WDFY4: variants seen among roughly 807,000 people sequenced by gnomAD.
WDFY4 encodes the protein WD repeat- and FYVE domain-containing protein 4.
A neutral mutation model predicts 351.9 loss-of-function variants in WDFY4; 169 were observed. That is an observed-to-expected ratio of 0.48 (90% confidence interval 0.42 to 0.55). WDFY4 has a LOEUF of 0.55. Ranked by LOEUF, WDFY4 falls within the 20% of genes least tolerant of loss-of-function variation. The pLI, the probability that WDFY4 is intolerant of heterozygous loss-of-function variation, is 0.00. For synonymous variants in WDFY4, 1,622 were observed against 1,574.6 expected, an observed-to-expected ratio of 1.03 and a Z score of -0.71; for missense variants, 3,803 against 3,935.6, an observed-to-expected ratio of 0.97 and a Z score of 0.90.
At chr10:48,904,039 T>C (rs1360321754) in intron 47 of WDFY4, among the ~76,000 whole-genome samples, 1 of 152,180 alleles carries the variant, frequency 6.6e-6, no homozygotes, top group Non-Finnish European at 1.5e-5. Context: ...AGTGGTCAAG[T>C]GTTGTTGGTA....
intron 53 of WDFY4, among the ~76,000 whole-genome samples, chr10:48,960,404 A>G (rs1841803696): frequency 6.6e-6 from 1 of 152,260 alleles, no homozygotes. Flanking sequence ...TAAATTTAAA[A>G]GACCAGTGAA....
chr10:48,982,585 G>A lies in WDFY4; in HGVS notation c.*10G>A, dbSNP rs1842855632. 4.5e-6 allele frequency: 7 copies of A among 1,549,080 alleles called. No individual in the cohort carries two copies. The African/African-American group carries it at 6.8e-5, about 15-fold the overall frequency. On this transcript the variant is annotated 3_prime_UTR_variant, in exon 62 of 62. Coordinates refer to ENST00000325239, the MANE Select transcript of WDFY4 (RefSeq NM_001394531.1). ...GTCTGCAGATGGGTAGGAAGAGAGAGGCAGCAGAGGCTCTGGCACAACAGT... is the reference window on the plus strand; with the variant it reads ...GTCTGCAGATGGGTAGGAAGAGAGAAGCAGCAGAGGCTCTGGCACAACAGT...
chr10:48,914,064 C>G (rs17772611), intron 47 of WDFY4: 9 of 1,613,954 alleles, frequency 5.6e-6, no homozygotes, highest in Non-Finnish European at 7.6e-6. Context: ...CAAGTCAAGG[C>G]GCTTTTTCCC....
intron 20 of WDFY4, among the ~76,000 whole-genome samples, chr10:48,787,880 TTCTTCTTCTTC>T (rs1241541340): frequency 1.1e-4 from 10 of 91,450 alleles, no homozygotes; most frequent in Non-Finnish European, 1.7e-4. Context: ...TCTTCTTTCT[TTCTTCTTCTTC>T]TCCTTCTTCT....
At chr10:48,734,203 C>T (rs577327333) in intron 10 of WDFY4, among the ~76,000 whole-genome samples, 168 bp downstream of exon 10, 1 of 152,186 alleles carries the variant, frequency 6.6e-6, no homozygotes, top group Non-Finnish European at 1.5e-5. Context: ...TCAGTAAATT[C>T]GTAGATACTA....
intron 2 of WDFY4, among the ~76,000 whole-genome samples, chr10:48,716,595 G>A (rs1378898347): frequency 6.6e-6 from 1 of 152,172 alleles, no homozygotes; most frequent in Non-Finnish European, 1.5e-5. Context: ...TGGCCTGAAA[G>A]AGTTAACGCA....
Position 48,754,777 on chromosome 10 carries a change from T to G in WDFY4, c.2460-5570T>G, listed in dbSNP as rs2065284439. Among the ~76,000 whole-genome samples the G allele has an allele frequency of 2.0e-5, 3 of 152,262 alleles. No individual in the cohort carries two copies. In the South Asian group the frequency reaches 6.2e-4, roughly 32 times the overall value. ...TCAATAAGTATTTGCTCAGTTGATT[T>G]GAATAAATTACGCCCAAGCACAAGA... On this transcript the variant is annotated intron_variant, in intron 12 of 61. Coordinates refer to ENST00000325239, the MANE Select transcript of WDFY4 (RefSeq NM_001394531.1).
At chr10:48,880,050 G>A (rs2070184004) in intron 43 of WDFY4, among the ~76,000 whole-genome samples, 1 of 152,204 alleles carries the variant, frequency 6.6e-6, no homozygotes, top group South Asian at 2.1e-4. Context: ...TGTTGGATGG[G>A]ACAGCCTCCT....
At chr10:48,939,703 T>G (rs1371688548) in intron 47 of WDFY4, among the ~76,000 whole-genome samples, 2 of 152,228 alleles carry the variant, frequency 1.3e-5, no homozygotes, top group African/African-American at 4.8e-5. Flanking sequence ...CACCTTCAGA[T>G]TAATATGATT....
Position 48,727,528 on chromosome 10 carries a change from T to G in WDFY4, c.840T>G (p.Pro280=). ...TCTCCAGGCTCACGGACACTCTCCC[T>G]GCCCCTGAAGTGAGCGAGGCTGTAA... is the stretch of plus-strand genomic sequence containing the variant. ...QNLSRLTDTL[P]APEVSEAVSL... The change falls in exon 7 of 62, where the codon CCT becomes CCG. Residue 280 remains proline (P), a synonymous_variant. Coordinates refer to ENST00000325239, the MANE Select transcript of WDFY4 (RefSeq NM_001394531.1). 1 of 1,551,808 alleles carries G rather than the reference T, an allele frequency of 6.4e-7. No individual in the cohort carries two copies. The highest frequency in any genetic ancestry group is 8.7e-7 in the Non-Finnish European group (1 of 1,147,006).
intron 13 of WDFY4, among the ~76,000 whole-genome samples, chr10:48,762,378 C>T (rs1195902444): frequency 6.6e-6 from 1 of 152,204 alleles, no homozygotes; most frequent in Non-Finnish European, 1.5e-5. Context: ...CTCCTGTTCC[C>T]CTGCTGGAGA....
intron 47 of WDFY4, among the ~76,000 whole-genome samples, chr10:48,936,455 G>A (rs916729041): frequency 1.3e-5 from 2 of 151,860 alleles, no homozygotes; most frequent in Non-Finnish European, 2.9e-5. Flanking sequence ...AAATCATAAA[G>A]CACATAAAAA....
intron 32 of WDFY4, 147 bp from the exon 33 acceptor site, chr10:48,820,087 T>C (rs574113130): frequency 4.8e-6 from 4 of 827,400 alleles, no homozygotes; most frequent in South Asian, 3.5e-5. Flanking sequence ...AGCTGGATCC[T>C]GGGCAAGTTG....
At chr10:48,693,201 C>T (rs768737848) in intron 1 of WDFY4, among the ~76,000 whole-genome samples, 6 of 152,140 alleles carry the variant, frequency 3.9e-5, no homozygotes, top group African/African-American at 1.2e-4. Flanking sequence ...ATGGGAGCTG[C>T]GGAGGACGTT....
chr10:48,961,620 T>C (rs7072344), intron 53 of WDFY4, among the ~76,000 whole-genome samples: 79,974 of 151,878 alleles, frequency 0.53, 20,984 homozygotes, highest in Non-Finnish European at 0.54. Flanking sequence ...AGGCAAAAAT[T>C]TTTGGAGATG....
intron 58 of WDFY4, 84 bp from the exon 59 acceptor site, chr10:48,976,713 G>T: frequency 1.6e-6 from 2 of 1,235,608 alleles, no homozygotes; most frequent in Non-Finnish European, 2.1e-6. Flanking sequence ...AGAGTACTTG[G>T]GTGTACCAAC....
chr10:48,858,839 A>T lies in WDFY4; in HGVS notation c.6664-8426A>T, dbSNP rs536741875. The stretch of plus-strand genomic sequence containing the variant: ...TTGAGTCTTCCAATTCATGAACATG[A>T]TATGTTTTTCCTTTTATTCAGATCA... On this transcript the variant is annotated intron_variant, in intron 39 of 61. Coordinates refer to ENST00000325239, the MANE Select transcript of WDFY4 (RefSeq NM_001394531.1). Among the ~76,000 whole-genome samples, 22 of 152,264 alleles carry T rather than the reference A, an allele frequency of 1.4e-4. 1 individual carries two copies. In the South Asian group the frequency reaches 4.1e-3, roughly 29 times the overall value.
intron 13 of WDFY4, among the ~76,000 whole-genome samples, chr10:48,762,315 C>T (rs892384958): frequency 6.6e-6 from 1 of 152,214 alleles, no homozygotes; most frequent in African/African-American, 2.4e-5. Flanking sequence ...AAAGGCCTGA[C>T]CCAGTTTCAT....
At chr10:48,821,016 A>ACGATGGC in intron 33 of WDFY4, 46 bp from the exon 34 acceptor site, 1 of 1,409,140 alleles carries the variant, frequency 7.1e-7, no homozygotes, top group Non-Finnish European at 9.8e-7. Context: ...CTGGGTGCAC[A>ACGATGGC]CGATGGCCCT....
Sources: gnomAD v4.1 joint callset for allele counts (sites outside exome capture counted in the v4.1 genomes callset) on GRCh38, gnomAD v4.1.1 for gene constraint, MANE v1.5 for transcripts, NCBI Gene and HGNC (gene_info 2026-07-23, HGNC 2026-07-21) for gene names.